Variants in MSRB3 observed in about 807,000 individuals in gnomAD.
MSRB3 encodes the protein methionine sulfoxide reductase B3, also known as methionine-R-sulfoxide reductase B3.
A neutral mutation model predicts 21.0 loss-of-function variants in MSRB3; 13 were observed. The ratio of observed to expected loss-of-function variants is 0.62; its 90% CI spans 0.40 to 0.98. The LOEUF (loss-of-function observed/expected upper bound fraction) is 0.98. Among genes scored for constraint, MSRB3 ranks in the 50% least tolerant of loss-of-function variants. The pLI is 0.00. For synonymous variants in MSRB3, 87 were observed against 88.6 expected, an observed-to-expected ratio of 0.98 and a Z score of 0.10; for missense variants, 199 against 230.3, an observed-to-expected ratio of 0.86 and a Z score of 0.88.
At chr12:65,454,558 A>G (rs1224388632) in intron 6 of MSRB3, among the ~76,000 whole-genome samples, 1 of 152,178 alleles carries the variant, frequency 6.6e-6, no homozygotes, top group African/African-American at 2.4e-5. Flanking sequence ...AAACACAATC[A>G]AGGAAGACCT....
At chr12:65,405,816 A>G (rs1012493347) in intron 5 of MSRB3, among the ~76,000 whole-genome samples, 28 of 151,576 alleles carry the variant, frequency 1.8e-4, no homozygotes, top group Admixed American at 1.3e-3. Context: ...TTGGGTTTGC[A>G]TTTTCCTGAT....
At chr12:65,340,688 T>G (rs1876080422) in intron 4 of MSRB3, among the ~76,000 whole-genome samples, 1 of 152,062 alleles carries the variant, frequency 6.6e-6, no homozygotes, top group South Asian at 2.1e-4. Flanking sequence ...TTCTGTCAAG[T>G]GTAGTCAAGA....
At chr12:65,365,421 A>G (rs1304061103) in intron 4 of MSRB3, among the ~76,000 whole-genome samples, 1 of 152,190 alleles carries the variant, frequency 6.6e-6, no homozygotes, top group Non-Finnish European at 1.5e-5. Flanking sequence ...GTTGAGAAAT[A>G]ATATGGCAAT....
chr12:65,447,381 T>C (rs969831099), intron 5 of MSRB3, among the ~76,000 whole-genome samples: 1 of 152,144 alleles, frequency 6.6e-6, no homozygotes, highest in East Asian at 1.9e-4. Flanking sequence ...CAGAGATATT[T>C]TAGGGAATCA....
chr12:65,406,316 G>T (rs1880410698), intron 5 of MSRB3, among the ~76,000 whole-genome samples: 1 of 152,096 alleles, frequency 6.6e-6, no homozygotes, highest in African/African-American at 2.4e-5. Flanking sequence ...TATCCAAAAA[G>T]AAATCAAGAA....
chr12:65,316,099 C>T (rs1592516963), intron 2 of MSRB3: 1 of 152,134 alleles, frequency 6.6e-6, no homozygotes, highest in Non-Finnish European at 1.5e-5. Flanking sequence ...AGAGATTAGA[C>T]ACTGATCTGT....
At chr12:65,460,274 T>G (rs540902374) in intron 6 of MSRB3, among the ~76,000 whole-genome samples, 1 of 152,320 alleles carries the variant, frequency 6.6e-6, no homozygotes, top group African/African-American at 2.4e-5. Context: ...CTCTGGCAAC[T>G]TCCATTTATC....
At chr12:65,335,526 C>G (rs1875707569) in intron 4 of MSRB3, among the ~76,000 whole-genome samples, 1 of 152,202 alleles carries the variant, frequency 6.6e-6, no homozygotes, top group African/African-American at 2.4e-5. Context: ...ACACAGTTCA[C>G]TCAACTGTGC....
chr12:65,357,541 G>C (rs1252323836), intron 4 of MSRB3, among the ~76,000 whole-genome samples: 1 of 151,902 alleles, frequency 6.6e-6, no homozygotes, highest in Non-Finnish European at 1.5e-5. Flanking sequence ...ATTAACTAAA[G>C]CCCATTTTTT....
At chr12:65,311,424 T>C (rs1215353221) in intron 2 of MSRB3, among the ~76,000 whole-genome samples, 4 of 152,108 alleles carry the variant, frequency 2.6e-5, no homozygotes, top group Admixed American at 6.6e-5. Flanking sequence ...TGTCTACATA[T>C]TTTATAACTT....
chr12:65,322,186 T>A (rs931474089), intron 2 of MSRB3, among the ~76,000 whole-genome samples: 1 of 152,150 alleles, frequency 6.6e-6, no homozygotes, highest in Non-Finnish European at 1.5e-5. Context: ...GACCCTATGT[T>A]GAAGGAGTAA....
chr12:65,347,411 CT>C (rs1876593283), intron 4 of MSRB3, among the ~76,000 whole-genome samples: 1 of 152,134 alleles, frequency 6.6e-6, no homozygotes, highest in Admixed American at 6.6e-5. Flanking sequence ...TATTAGAATG[CT>C]TTTGATTTTT....
At chr12:65,371,644 G>A (rs1302631620) in intron 5 of MSRB3, among the ~76,000 whole-genome samples, 2 of 151,772 alleles carry the variant, frequency 1.3e-5, no homozygotes, top group Non-Finnish European at 2.9e-5. Context: ...AGTATATCAA[G>A]GAAAGTACCC....
chr12:65,428,414 G>A (rs865822406), intron 5 of MSRB3, among the ~76,000 whole-genome samples: 2 of 152,050 alleles, frequency 1.3e-5, no homozygotes, highest in Admixed American at 6.5e-5. Flanking sequence ...TTATTTTGGG[G>A]GTGCTAAAGG....
intron 5 of MSRB3, among the ~76,000 whole-genome samples, chr12:65,405,533 T>A (rs1294541913): frequency 1.3e-5 from 2 of 152,000 alleles, no homozygotes; most frequent in Non-Finnish European, 2.9e-5. Flanking sequence ...CTATTATGAG[T>A]AATGCTGTAG....
intron 6 of MSRB3, 181 bp downstream of exon 6, chr12:65,454,006 C>G: frequency 2.9e-6 from 2 of 693,828 alleles, no homozygotes; most frequent in Admixed American, 2.0e-5. Flanking sequence ...ATGTTAAGGT[C>G]GGCATGATAG....
In MSRB3 at chr12:65,288,306, G is replaced by A. The variant is rs200503278; in HGVS notation, c.-52+9441G>A. 1.5e-4 allele frequency among the ~76,000 whole-genome samples: 18 copies of A among 117,174 alleles called. No individual in the cohort carries two copies. In the South Asian group the frequency reaches 2.4e-3, roughly 16 times the overall value. 76.9% of individuals were successfully genotyped at this position (117,174 alleles called of 152,430 possible). A position where few individuals can be genotyped will look rare whatever the true frequency, so the allele number is the denominator to read the frequency against. ...AAGAGAGCGAGACCCCGTCCCCCCC[G>A]CAAAAAAAAAAAAAAAAGATTCTGT... On this transcript the variant is annotated intron_variant, in intron 1 of 6. Transcript: ENST00000308259.
At chr12:65,389,330 T>A (rs1233178591) in intron 5 of MSRB3, among the ~76,000 whole-genome samples, 3 of 152,178 alleles carry the variant, frequency 2.0e-5, no homozygotes, top group Non-Finnish European at 2.9e-5. Flanking sequence ...TCTTCATTTT[T>A]TTTTAATTGA....
At chr12:65,389,325 A>AT (rs965342391) in intron 5 of MSRB3, among the ~76,000 whole-genome samples, 34 of 150,130 alleles carry the variant, frequency 2.3e-4, no homozygotes, top group African/African-American at 6.4e-4. Flanking sequence ...TGTTTTCTTC[A>AT]TTTTTTTTTA....
Sources: gnomAD v4.1 joint callset for allele counts (sites outside exome capture counted in the v4.1 genomes callset) on GRCh38, gnomAD v4.1.1 for gene constraint, MANE v1.5 for transcripts, NCBI Gene and HGNC (gene_info 2026-07-23, HGNC 2026-07-21) for gene names.